The following MARCHF3 variants were observed in gnomAD, a reference collection of about 807,000 sequenced individuals.
The protein encoded by MARCHF3 is membrane associated ring-CH-type finger 3, also known as E3 ubiquitin-protein ligase MARCHF3.
In MARCHF3, 13 loss-of-function variants were observed where a neutral mutation model predicts 24.2. The observed-to-expected ratio is 0.54, with a 90% CI of 0.35 to 0.85. The LOEUF is 0.85. MARCHF3 is among the 40% of genes least tolerant of loss of function. The probability of loss-of-function intolerance (pLI) is 0.01; values close to 1 mark genes in which losing one functional copy is unlikely to be tolerated. For missense variants in MARCHF3, 276 were observed against 325.0 expected, an observed-to-expected ratio of 0.85 and a Z score of 1.16; for synonymous variants, 144 against 137.3, an observed-to-expected ratio of 1.05 and a Z score of -0.34.
At chr5:126,967,978 C>T (rs1017326446) in intron 1 of MARCHF3, among the ~76,000 whole-genome samples, 1 of 152,178 alleles carries the variant, frequency 6.6e-6, no homozygotes, top group African/African-American at 2.4e-5. Flanking sequence ...CACTCATTCT[C>T]CCCTTCCACC....
chr5:127,027,345 C>T (rs766107245), intron 1 of MARCHF3, among the ~76,000 whole-genome samples: 6 of 152,128 alleles, frequency 3.9e-5, no homozygotes, highest in South Asian at 2.1e-4. Context: ...CTTCCCAAGG[C>T]GATCATTGAC....
At chr5:126,986,617 A>G (rs1751575484) in intron 1 of MARCHF3, among the ~76,000 whole-genome samples, 1 of 152,220 alleles carries the variant, frequency 6.6e-6, no homozygotes, top group African/African-American at 2.4e-5. Flanking sequence ...AATAAGTACA[A>G]TGAGATAGAT....
intron 1 of MARCHF3, among the ~76,000 whole-genome samples, chr5:127,021,333 A>G (rs1752798081): frequency 6.6e-6 from 1 of 152,244 alleles, no homozygotes; most frequent in Non-Finnish European, 1.5e-5. Context: ...TGCAAAAAGC[A>G]GGATGGCAAG....
intron 1 of MARCHF3, among the ~76,000 whole-genome samples, chr5:126,974,564 A>T (rs1645453106): frequency 6.6e-6 from 1 of 152,204 alleles, no homozygotes; most frequent in Non-Finnish European, 1.5e-5. Flanking sequence ...CAAAGGAATG[A>T]TTAGGAACCT....
rs147389737 is a variant in MARCHF3 at position 126,889,743 on chromosome 5, C to A, written c.394-11349G>T. Reference sequence around the variant, plus strand: ...TGACTTGGCTGACATTAGATACATCCTAGCACCTAATGGATTAGGAATCAT... The same window carrying A: ...TGACTTGGCTGACATTAGATACATCATAGCACCTAATGGATTAGGAATCAT... On this transcript the variant is annotated intron_variant, in intron 3 of 4. Coordinates refer to ENST00000308660, the MANE Select transcript of MARCHF3 (RefSeq NM_178450.5). Among the ~76,000 whole-genome samples the A allele has an allele frequency of 2.4e-3, 367 of 152,300 alleles. 2 individuals carry two copies. The highest frequency in any genetic ancestry group is 8.4e-3 in the African/African-American group (348 of 41,564).
intron 1 of MARCHF3, among the ~76,000 whole-genome samples, chr5:126,997,997 C>G (rs761160117): frequency 2.6e-5 from 4 of 152,060 alleles, no homozygotes; most frequent in Non-Finnish European, 4.4e-5. Context: ...CTAAGAACAA[C>G]TGAGGAAATA....
chr5:126,967,871 T>C (rs1750870354), intron 1 of MARCHF3, among the ~76,000 whole-genome samples: 1 of 152,176 alleles, frequency 6.6e-6, no homozygotes, highest in Non-Finnish European at 1.5e-5. Flanking sequence ...TACAATTCAG[T>C]GGTTTTTAGC....
chr5:126,893,551 A>C (rs1753768499), intron 3 of MARCHF3, among the ~76,000 whole-genome samples: 1 of 151,914 alleles, frequency 6.6e-6, no homozygotes, highest in Admixed American at 6.6e-5. Flanking sequence ...TTATGTATCC[A>C]GTAGTCATTC....
At position 126,977,008 on chromosome 5, in the gene MARCHF3, C is replaced by T. The variant is rs115479767; in HGVS notation, c.-57+53342G>A. 1.9e-3 allele frequency among the ~76,000 whole-genome samples: 290 copies of T among 152,352 alleles called. 1 individual carries two copies. Among genetic ancestry groups the T allele is most frequent in the African/African-American group, 5.5e-3 (230 of 41,580 alleles). ...GGTGATGCCTGCTCTTAATGCCCTG[C>T]TATCAGGCCACATTTGGAGGCACAG... On this transcript the variant is annotated intron_variant, in intron 1 of 4. Coordinates refer to ENST00000308660, the MANE Select transcript of MARCHF3 (RefSeq NM_178450.5).
intron 1 of MARCHF3, among the ~76,000 whole-genome samples, chr5:126,995,032 G>C (rs113358859): frequency 0.051 from 7,821 of 152,244 alleles, 365 homozygotes; most frequent in South Asian, 0.13. Context: ...TTGCTGCACT[G>C]GCAGCTGATT....
At chr5:126,946,095 G>A (rs908387938) in intron 1 of MARCHF3, among the ~76,000 whole-genome samples, 1 of 152,100 alleles carries the variant, frequency 6.6e-6, no homozygotes, top group Non-Finnish European at 1.5e-5. Context: ...CAGGGGCCGA[G>A]CGTGGTAGCT....
At chr5:127,001,135 G>A (rs1418791719) in intron 1 of MARCHF3, among the ~76,000 whole-genome samples, 1 of 152,022 alleles carries the variant, frequency 6.6e-6, no homozygotes, top group Non-Finnish European at 1.5e-5. Context: ...CTACTCGGGA[G>A]GCTGAGGCAG....
At chr5:126,940,424 A>G (rs551043136) in intron 1 of MARCHF3, among the ~76,000 whole-genome samples, 5 of 152,154 alleles carry the variant, frequency 3.3e-5, no homozygotes, top group Non-Finnish European at 7.4e-5. Context: ...GTTGCAGTGC[A>G]ACTGTATATA....
At chr5:126,982,357 C>T (rs1013629630) in intron 1 of MARCHF3, among the ~76,000 whole-genome samples, 1 of 152,196 alleles carries the variant, frequency 6.6e-6, no homozygotes, top group Non-Finnish European at 1.5e-5. Context: ...GCAAATGGCT[C>T]TGTCTTGATG....
chr5:126,875,322 C>A (rs1041029850), intron 4 of MARCHF3, among the ~76,000 whole-genome samples: 3 of 152,180 alleles, frequency 2.0e-5, no homozygotes. Context: ...AAGGCTGGAC[C>A]TGCATGGCCA....
At chr5:126,962,966 G>A (rs112180263) in intron 1 of MARCHF3, among the ~76,000 whole-genome samples, 2,698 of 152,124 alleles carry the variant, frequency 0.018, 44 homozygotes, top group Non-Finnish European at 0.027. Flanking sequence ...ATGAGAAAGT[G>A]TTTTCTTTCT....
Position 126,890,344 on chromosome 5 carries a change from A to G in MARCHF3, c.394-11950T>C, listed in dbSNP as rs1180869682. The stretch of plus-strand genomic sequence containing the variant: ...GGTACATGTGCACATTGTGCAGGTT[A>G]GTTACATATGTATACATGTGCCATG... On this transcript the variant is annotated intron_variant, in intron 3 of 4. Transcript: ENST00000308660. 4.6e-5 allele frequency among the ~76,000 whole-genome samples: 7 copies of G among 151,052 alleles called. No individual in the cohort carries two copies. The East Asian group carries it at 1.4e-3, about 29-fold the overall frequency.
rs1187128004 is a variant in MARCHF3 at position 126,906,112 on chromosome 5, T to C, written c.393+8818A>G. 3.2e-5 allele frequency among the ~76,000 whole-genome samples: 4 copies of C among 123,642 alleles called. No individual in the cohort carries two copies. In the Admixed American group the frequency reaches 3.5e-4, roughly 11 times the overall value. 81.1% of individuals were successfully genotyped at this position (123,642 alleles called of 152,430 possible). A position where few individuals can be genotyped will look rare whatever the true frequency, so the allele number is the denominator to read the frequency against. ...TCTTTGGTTCTGTTTATATGCTGGA[T>C]TACATTTATTGATTTGCATATATTG... On this transcript the variant is annotated intron_variant, in intron 3 of 4. Coordinates refer to ENST00000308660, the MANE Select transcript of MARCHF3 (RefSeq NM_178450.5).
chr5:126,874,517 C>T lies in MARCHF3; in HGVS notation c.603+3668G>A, dbSNP rs531852203. ...AGGAGAATCGCTTGAACCTGGGAGG[C>T]GGAGGTTGCGGTGATCTCGGCTCAC... is the stretch of plus-strand genomic sequence containing the variant. On this transcript the variant is annotated intron_variant, in intron 4 of 4. Transcript: ENST00000308660. 1.7e-4 allele frequency among the ~76,000 whole-genome samples: 25 copies of T among 149,424 alleles called. No individual in the cohort carries two copies. In the South Asian group the frequency reaches 1.7e-3, roughly 10 times the overall value.
Sources: gnomAD v4.1 joint callset for allele counts (sites outside exome capture counted in the v4.1 genomes callset) on GRCh38, gnomAD v4.1.1 for gene constraint, MANE v1.5 for transcripts, NCBI Gene and HGNC (gene_info 2026-07-23, HGNC 2026-07-21) for gene names.